CD101: variants seen among roughly 807,000 people sequenced by gnomAD.
CD101 encodes the protein CD101 molecule, also known as immunoglobulin superfamily member 2.
CD101 carries 76 observed loss-of-function variants against 98.2 expected under a neutral mutation model. The ratio of observed to expected loss-of-function variants is 0.77; its 90% confidence interval spans 0.64 to 0.94. The LOEUF (loss-of-function observed/expected upper bound fraction) is 0.94, where lower values mean the gene tolerates loss of function less well. Ranked by LOEUF, CD101 falls within the 40% of genes least tolerant of loss-of-function variation. The probability of loss-of-function intolerance (pLI) is 0.00; values close to 1 mark genes in which losing one functional copy is unlikely to be tolerated. For missense variants in CD101, 1,145 were observed against 1,218.8 expected, an observed-to-expected ratio of 0.94 and a Z score of 0.90; for synonymous variants, 471 against 472.7, an observed-to-expected ratio of 1.00 and a Z score of 0.05.
rs1652408390 is a variant in CD101 at position 117,004,290 on chromosome 1, T to C, written c.43+2430T>C. On this transcript the variant is annotated intron_variant, in intron 1 of 9. Transcript: ENST00000682167. The surrounding 1 kb of genome is among the most constrained non-coding windows in gnomAD (Gnocchi z 4.1). ...GAATGTGAAAAGAGAAAGAAGCTGC[T>C]TGTTATGTTGGCTATTCCTGAGGTA... Among the ~76,000 whole-genome samples, 1 of 152,214 alleles carries C rather than the reference T, an allele frequency of 6.6e-6. No individual in the cohort carries two copies. Among genetic ancestry groups the C allele is most frequent in the African/African-American group, 2.4e-5 (1 of 41,454 alleles).
chr1:117,009,709 G>T (rs1652761324), intron 1 of CD101, 141 bp from the exon 2 acceptor site: 1 of 812,174 alleles, frequency 1.2e-6, no homozygotes. Flanking sequence ...TGAAGAAGAT[G>T]TTGAACATTT....
In CD101 at chr1:117,013,661, C is replaced by G. The variant is rs1557768527; in HGVS notation, c.1097C>G (p.Ser366Cys). ...GPKAFSLKIFSLGPEDEGAYR... is the reference protein window; with the variant it reads ...GPKAFSLKIFCLGPEDEGAYR... ...AAGGCTTTCTCTCTCAAGATCTTCT[C>G]TCTGGGCCCAGAGGATGAAGGCGCC... is the stretch of plus-strand genomic sequence containing the variant. Residue 366 changes from serine to cysteine, a missense_variant, in exon 4 of 10, where the codon TCT becomes TGT. By Grantham distance (112) the Ser-to-Cys change is moderately radical (BLOSUM62 -1). Coordinates refer to ENST00000682167, the MANE Select transcript of CD101 (RefSeq NM_001256106.3). The G allele has an allele frequency of 6.2e-7, 1 of 1,614,172 alleles. No homozygotes were observed. Among genetic ancestry groups the G allele is most frequent in the Non-Finnish European group, 8.5e-7 (1 of 1,180,036 alleles).
Position 117,009,913 on chromosome 1 carries a change from G to T in CD101, c.107G>T (p.Gly36Val), listed in dbSNP as rs779309401. The stretch of plus-strand genomic sequence containing the variant: ...AAAGGACCACTGTTTAGAGCTGAAG[G>T]TTACCCAGTCAGCATTGGCTGCAAT... ...VQKGPLFRAE[G>V]YPVSIGCNVT... is the part of the protein sequence containing the mutation. The change falls in exon 2 of 10, where the codon GGT (glycine) becomes GTT (valine). Residue 36 changes from glycine to valine, a missense_variant. Coordinates refer to ENST00000682167, the MANE Select transcript of CD101 (RefSeq NM_001256106.3). 8 of 1,613,860 alleles carry T rather than the reference G, an allele frequency of 5.0e-6. No homozygotes were observed. The highest frequency in any genetic ancestry group is 6.8e-6 in the Non-Finnish European group (8 of 1,180,016).
rs1040942245 is a variant in CD101 at position 117,011,024 on chromosome 1, G to A, written c.425-526G>A. On this transcript the variant is annotated intron_variant, in intron 2 of 9. Coordinates refer to ENST00000682167, the MANE Select transcript of CD101 (RefSeq NM_001256106.3). Reference sequence around the variant, plus strand: ...GCTTAGGCTGTGTGATTTCATTTTAGGAAAACAAGAATGGTAGGGTAGTAA... The same window carrying A: ...GCTTAGGCTGTGTGATTTCATTTTAAGAAAACAAGAATGGTAGGGTAGTAA... Among the ~76,000 whole-genome samples the A allele has an allele frequency of 1.6e-4, 25 of 152,116 alleles. 1 individual carries two copies. Among genetic ancestry groups the A allele is most frequent in the Non-Finnish European group, 2.9e-5 (2 of 68,018 alleles).
rs1653402874 is a variant in CD101 at position 117,018,745 on chromosome 1, G to C, written c.2017+185G>C. Among the ~76,000 whole-genome samples the C allele has an allele frequency of 6.6e-6, 1 of 152,188 alleles. No individual in the cohort carries two copies. The highest frequency in any genetic ancestry group is 2.4e-5 in the African/African-American group (1 of 41,448). ...TTAGTATGCATGGGTTGGCCATACT[G>C]GTTGTTAAAACATTGAAATACCTTC... On this transcript the variant is annotated intron_variant, in intron 6 of 9. Transcript: ENST00000682167. This position sits in a 1 kb window ranked among gnomAD's most constrained non-coding sequence, Gnocchi z 4.3.
chr1:117,004,765 G>A lies in CD101; in HGVS notation c.43+2905G>A, dbSNP rs899238559. On this transcript the variant is annotated intron_variant, in intron 1 of 9. Transcript: ENST00000682167. This position sits in a 1 kb window ranked among gnomAD's most constrained non-coding sequence, Gnocchi z 4.1. Reference sequence around the variant, plus strand: ...TCTCTGCCAGTCATGCCTTCTACCTGAAAAATACCTTTGAAATCTCCACAC... The same window carrying A: ...TCTCTGCCAGTCATGCCTTCTACCTAAAAAATACCTTTGAAATCTCCACAC... Among the ~76,000 whole-genome samples, 1 of 146,484 alleles carries A rather than the reference G, an allele frequency of 6.8e-6. No homozygotes were observed. Among genetic ancestry groups the A allele is most frequent in the South Asian group, 2.1e-4 (1 of 4,664 alleles).
At chr1:117,003,197 G>A (rs912383937) in intron 1 of CD101, among the ~76,000 whole-genome samples, 2 of 152,180 alleles carry the variant, frequency 1.3e-5, no homozygotes, top group Non-Finnish European at 2.9e-5. Context: ...TGGAGCCAGT[G>A]CAGGGACCCG....
chr1:117,017,592 G>A (rs1019879339), intron 5 of CD101, 119 bp downstream of exon 5: 1 of 980,948 alleles, frequency 1.0e-6, no homozygotes, highest in African/African-American at 1.6e-5. Context: ...CTAGGACACA[G>A]AGCTAGTCTC....
intron 8 of CD101, among the ~76,000 whole-genome samples, chr1:117,030,894 T>G (rs1361508531): frequency 6.6e-6 from 1 of 152,166 alleles, no homozygotes; most frequent in Non-Finnish European, 1.5e-5. Context: ...GAGTGCTCCT[T>G]TTGCTGTGCT....
chr1:117,027,271 TA>T (rs1185194308), intron 8 of CD101, among the ~76,000 whole-genome samples: 2 of 152,336 alleles, frequency 1.3e-5, no homozygotes, highest in Non-Finnish European at 2.9e-5. Context: ...ACTTGTTTAA[TA>T]AATAACTATA....
chr1:117,033,027 G>A lies in CD101; in HGVS notation c.2825-833G>A, dbSNP rs563227004. ...GAGCACATGTGCTAGGCACTGTAGG[G>A]GATATAGAAACAAATGGCACTATCA... On this transcript the variant is annotated intron_variant, in intron 8 of 9. Transcript: ENST00000682167. The surrounding 1 kb of genome is among the most constrained non-coding windows in gnomAD (Gnocchi z 4.8). The A allele has an allele frequency of 1.1e-4, 16 of 152,356 alleles. No homozygotes were observed. Among genetic ancestry groups the A allele is most frequent in the African/African-American group, 3.8e-4 (16 of 41,564 alleles). 9.4% of individuals were successfully genotyped at this position (152,356 alleles called of 1,614,324 possible).
chr1:117,020,217 C>T (rs368304267), intron 6 of CD101, among the ~76,000 whole-genome samples: 11 of 152,258 alleles, frequency 7.2e-5, no homozygotes, highest in East Asian at 5.8e-4. Flanking sequence ...CTTCTATATA[C>T]CTCTGTCTTA....
chr1:117,009,866 C>T lies in CD101; in HGVS notation c.60C>T (p.Gly20=). The change falls in exon 2 of 10, where the codon GGC becomes GGT. Residue 20 remains glycine, a synonymous_variant. Transcript: ENST00000682167. ...FFLLLTKLSI[G]QREVTVQKGP... is the part of the protein sequence containing the mutation. ...ACTTACAAGCTAAGCTCAGCATTGGCCAGAGAGAAGTAACAGTTCAGAAAG... is the reference window on the plus strand; with the variant it reads ...ACTTACAAGCTAAGCTCAGCATTGGTCAGAGAGAAGTAACAGTTCAGAAAG... 6.2e-7 allele frequency: 1 copy of T among 1,602,600 alleles called. No individual in the cohort carries two copies. Among genetic ancestry groups the T allele is most frequent in the Non-Finnish European group, 8.5e-7 (1 of 1,171,230 alleles).
intron 9 of CD101, 126 bp downstream of exon 9, chr1:117,034,260 C>A: frequency 1.2e-6 from 1 of 805,574 alleles, no homozygotes. Flanking sequence ...CTTATTGGTT[C>A]TACGCACTGT....
rs1653630468 is a variant in CD101, at chr1:117,022,240, G to GC, written c.2428+259dup. ...GATTGGTTTGCTTCTCAACCTGGCA[G>GC]CCTGGTCTGTGCAGCTACCCAGGGT... On this transcript the variant is annotated intron_variant, in intron 7 of 9. Transcript: ENST00000682167. This position sits in a 1 kb window ranked among gnomAD's most constrained non-coding sequence, Gnocchi z 4.8. Among the ~76,000 whole-genome samples, 1 of 152,162 alleles carries GC rather than the reference G, an allele frequency of 6.6e-6. No homozygotes were observed. Among genetic ancestry groups the GC allele is most frequent in the African/African-American group, 2.4e-5 (1 of 41,446 alleles).
At position 117,013,529 on chromosome 1, in the gene CD101, A is replaced by G. The variant is rs374942501; in HGVS notation, c.965A>G (p.Asn322Ser). ...CAGCTTCAAGGCATTTGGTTCTTCA[A>G]TGGGACTGAAATTGCTCACATTGAT... ...DPQLQGIWFF[N>S]GTEIAHIDAG... Residue 322 changes from asparagine (N) to serine (S), a missense_variant, in exon 4 of 10, where the codon AAT becomes AGT. Coordinates refer to ENST00000682167, the MANE Select transcript of CD101 (RefSeq NM_001256106.3). The G allele has an allele frequency of 1.0e-4, 163 of 1,614,088 alleles. No individual in the cohort carries two copies. Among genetic ancestry groups the G allele is most frequent in the Non-Finnish European group, 1.3e-4 (156 of 1,180,034 alleles).
intron 1 of CD101, 99 bp downstream of exon 1, chr1:117,001,959 C>T (rs747510969): frequency 9.2e-7 from 1 of 1,092,324 alleles, no homozygotes; most frequent in Non-Finnish European, 1.4e-6. Flanking sequence ...ACAGGAACAA[C>T]TATGCCATAT....
rs774293671 is a variant in CD101 at position 117,013,766 on chromosome 1, G to GCCACGTGC, written c.1203_1210dup (p.His404ProfsTer5). On this transcript the variant is annotated frameshift_variant, in exon 4 of 10. Transcript: ENST00000682167. LOFTEE classifies it high-confidence loss of function. ...CTTCAGAGAAAGCAGTCACCAGACAGCCACGTGCACCTGAGGAAGCCAGCA... is the reference window on the plus strand; with the variant it reads ...CTTCAGAGAAAGCAGTCACCAGACAGCCACGTGCCCACGTGCACCTGAGGAAGCCAGCA... 8 of 1,612,628 alleles carry GCCACGTGC rather than the reference G, an allele frequency of 5.0e-6. No homozygotes were observed. In the East Asian group the frequency reaches 1.8e-4, roughly 36 times the overall value.
intron 8 of CD101, among the ~76,000 whole-genome samples, chr1:117,030,759 G>A (rs1654409239): frequency 6.6e-6 from 1 of 152,228 alleles, no homozygotes; most frequent in Admixed American, 6.5e-5. Context: ...TTTATTTCTT[G>A]GCAAGAGCCA....
Sources: gnomAD v4.1 joint callset for allele counts (sites outside exome capture counted in the v4.1 genomes callset) on GRCh38, gnomAD v4.1.1 for gene constraint, Gnocchi (gnomAD v3.1) non-coding constraint, MANE v1.5 for transcripts, NCBI Gene and HGNC (gene_info 2026-07-23, HGNC 2026-07-21) for gene names.